SGCD: variants seen among roughly 807,000 people sequenced by gnomAD.
SGCD encodes the protein delta-sarcoglycan.
Under a neutral mutation model 36.6 loss-of-function variants are expected in SGCD, and 18 were observed. That is an observed-to-expected ratio of 0.49 (90% confidence interval 0.34 to 0.73). SGCD has a LOEUF of 0.73. Among genes scored for constraint, SGCD ranks in the 30% least tolerant of loss-of-function variants. The probability of loss-of-function intolerance (pLI) is 0.01; values close to 1 mark genes in which losing one functional copy is unlikely to be tolerated. For missense variants in SGCD, 387 were observed against 346.7 expected (o/e 1.12, Z -0.92); for synonymous variants, 133 against 130.6 (o/e 1.02, Z -0.12).
At chr5:155,768,970 C>T in the SGCD span, among the ~76,000 whole-genome samples, 5 of 152,100 alleles carry the variant, frequency 3.3e-5, no homozygotes, top group Non-Finnish European at 7.4e-5. Flanking sequence ...CAAGGATGTT[C>T]ATTGCAGTAT....
chr5:156,186,968 A>G (rs1441308817), intron 3 of SGCD, among the ~76,000 whole-genome samples: 1 of 152,214 alleles, frequency 6.6e-6, no homozygotes, highest in East Asian at 1.9e-4. Context: ...TGGAAACTCA[A>G]AAGTCAAGAA....
chr5:155,878,250 A>G (rs1755806476), intron 1 of SGCD, among the ~76,000 whole-genome samples: 1 of 152,164 alleles, frequency 6.6e-6, no homozygotes, highest in South Asian at 2.1e-4. Flanking sequence ...TTCCAAAGTT[A>G]GTTAATCCAA....
At chr5:156,057,362 G>A (rs575389169) in intron 1 of SGCD, among the ~76,000 whole-genome samples, 1 of 146,426 alleles carries the variant, frequency 6.8e-6, no homozygotes, top group African/African-American at 2.5e-5. Flanking sequence ...TATCATCAGG[G>A]TCAAATGAGG....
chr5:156,527,578 G>A (rs926084875), intron 4 of SGCD, among the ~76,000 whole-genome samples: 2 of 152,202 alleles, frequency 1.3e-5, no homozygotes, highest in African/African-American at 4.8e-5. Flanking sequence ...GAGCCCTTGA[G>A]CAAGTTACTT....
At chr5:156,069,703 A>C (rs1760475270) in intron 1 of SGCD, among the ~76,000 whole-genome samples, 2 of 150,380 alleles carry the variant, frequency 1.3e-5, no homozygotes, top group Admixed American at 6.6e-5. Context: ...GAATCTATAA[A>C]TTCCCTTGGG....
At chr5:155,803,156 C>A in the SGCD span, among the ~76,000 whole-genome samples, 1 of 152,224 alleles carries the variant, frequency 6.6e-6, no homozygotes, top group Non-Finnish European at 1.5e-5. Flanking sequence ...CAGTTTGTGT[C>A]TATCAGTCTG....
intron 4 of SGCD, among the ~76,000 whole-genome samples, chr5:156,513,999 A>C (rs758737515): frequency 1.3e-5 from 2 of 152,240 alleles, no homozygotes; most frequent in African/African-American, 4.8e-5. Flanking sequence ...AAAAGGTTGT[A>C]AAGTTAAGGG....
chr5:156,311,512 A>T (rs1358479298), intron 3 of SGCD, among the ~76,000 whole-genome samples: 1 of 152,194 alleles, frequency 6.6e-6, no homozygotes, highest in Admixed American at 6.5e-5. Context: ...AGTCTTATAC[A>T]ATCATAGAAT....
intron 1 of SGCD, among the ~76,000 whole-genome samples, chr5:156,071,810 T>C (rs1760573610): frequency 6.6e-6 from 1 of 152,230 alleles, no homozygotes; most frequent in Admixed American, 6.5e-5. Context: ...TGAATCTGGG[T>C]GCTCCTGTAT....
the SGCD span, among the ~76,000 whole-genome samples, chr5:155,855,451 T>G: frequency 6.6e-6 from 1 of 152,128 alleles, no homozygotes; most frequent in Admixed American, 6.6e-5. Flanking sequence ...GCTTCCCAAA[T>G]AATCTACTTG....
At chr5:156,455,279 C>CT (rs1754203703) in intron 3 of SGCD, among the ~76,000 whole-genome samples, 1 of 152,160 alleles carries the variant, frequency 6.6e-6, no homozygotes, top group Admixed American at 6.5e-5. Flanking sequence ...AAGGCAGTTG[C>CT]AGTCAAGGAC....
intron 1 of SGCD, among the ~76,000 whole-genome samples, chr5:155,945,282 A>G (rs1757417280): frequency 6.6e-6 from 1 of 152,192 alleles, no homozygotes; most frequent in African/African-American, 2.4e-5. Flanking sequence ...GAGAGAAGGG[A>G]GAAGACAAAG....
chr5:156,394,377 T>C (rs1386271279), intron 3 of SGCD, among the ~76,000 whole-genome samples: 1 of 152,116 alleles, frequency 6.6e-6, no homozygotes, highest in Non-Finnish European at 1.5e-5. Context: ...ATTAAAAGGA[T>C]TAATATATCA....
intron 3 of SGCD, among the ~76,000 whole-genome samples, chr5:156,319,183 G>A (rs1013664450): frequency 2.0e-5 from 3 of 152,134 alleles, no homozygotes; most frequent in Admixed American, 6.5e-5. Flanking sequence ...GCTTCTAACA[G>A]TTTCTGCTAA....
intron 3 of SGCD, among the ~76,000 whole-genome samples, chr5:156,503,463 A>C (rs997024753): frequency 2.0e-5 from 3 of 152,206 alleles, no homozygotes; most frequent in Non-Finnish European, 4.4e-5. Flanking sequence ...TCTATCTATT[A>C]ATATCACTGA....
chr5:156,157,320 T>TC (rs1561543409), intron 3 of SGCD, among the ~76,000 whole-genome samples: 1 of 151,392 alleles, frequency 6.6e-6, no homozygotes, highest in African/African-American at 2.5e-5. Context: ...TCACTGTTTT[T>TC]CAGATGAGAA....
intron 3 of SGCD, among the ~76,000 whole-genome samples, chr5:156,428,713 C>A (rs1247785802): frequency 6.6e-6 from 1 of 151,968 alleles, no homozygotes; most frequent in Non-Finnish European, 1.5e-5. Context: ...TTGCTGTAAC[C>A]CAGAAGTTTG....
chr5:156,128,234 C>T (rs3097860), intron 3 of SGCD, among the ~76,000 whole-genome samples: 45,453 of 152,012 alleles, frequency 0.3, 7,419 homozygotes, highest in Non-Finnish European at 0.36. Context: ...CGAATGAGAG[C>T]ACCAAAAGTT....
rs539480848 is a variant in SGCD, at chr5:156,215,118, A to G, written c.-44+91099A>G. Among the ~76,000 whole-genome samples, 6 of 152,174 alleles carry G rather than the reference A, an allele frequency of 3.9e-5. No homozygotes were observed. The East Asian group carries it at 1.2e-3, about 29-fold the overall frequency. ...AATATTTTGGATTTTGGATCTTAGA[A>G]TGTGGGATGCTCAACTGTTAAATCT... On this transcript the variant is annotated intron_variant, in intron 3 of 9. Transcript: ENST00000517913.
Sources: allele counts gnomAD v4.1 joint callset (sites outside exome capture counted in the v4.1 genomes callset), GRCh38; gene constraint gnomAD v4.1.1; transcripts MANE v1.5; gene names NCBI Gene and HGNC (gene_info 2026-07-23, HGNC 2026-07-21).